The following XYLT1 variants were observed in gnomAD, a reference collection of about 807,000 sequenced individuals.
The protein encoded by XYLT1 is xylosyltransferase 1, also known as beta-D-xylosyltransferase 1.
XYLT1 carries 36 observed loss-of-function variants against 91.3 expected under a neutral mutation model. The observed-to-expected ratio is 0.39, with a 90% CI of 0.30 to 0.52. The LOEUF (loss-of-function observed/expected upper bound fraction) is 0.52, where lower values mean the gene tolerates loss of function less well. XYLT1 is among the 20% of genes least tolerant of loss of function. The pLI is 0.68. For missense variants in XYLT1, 1,242 were observed against 1,284.5 expected (o/e 0.97, Z 0.51); for synonymous variants, 588 against 532.0 (o/e 1.11, Z -1.45).
intron 10 of XYLT1, among the ~76,000 whole-genome samples, chr16:17,119,087 C>T (rs2029956460): frequency 6.6e-6 from 1 of 152,084 alleles, no homozygotes; most frequent in African/African-American, 2.4e-5. Flanking sequence ...TGTATTTATT[C>T]TTTATCTCCT....
At chr16:17,313,419 C>T (rs2034580299) in intron 2 of XYLT1, among the ~76,000 whole-genome samples, 1 of 152,208 alleles carries the variant, frequency 6.6e-6, no homozygotes, top group Non-Finnish European at 1.5e-5. Flanking sequence ...CAGCGACCTA[C>T]CAGACAAGGC....
Position 17,465,568 on chromosome 16 carries a change from G to C in XYLT1, c.363+4866C>G, listed in dbSNP as rs549827773. Reference sequence around the variant, plus strand: ...TTGTGTTTTTTTTTGGGGGGGGGGGGGGTGAGCATTTAATAACCTAACGTA... The same window carrying C: ...TTGTGTTTTTTTTTGGGGGGGGGGGCGGTGAGCATTTAATAACCTAACGTA... On this transcript the variant is annotated intron_variant, in intron 1 of 11. Transcript: ENST00000261381. 9.0e-4 allele frequency among the ~76,000 whole-genome samples: 128 copies of C among 142,400 alleles called. 3 individuals are homozygous for C. In the South Asian group the frequency reaches 0.028, roughly 31 times the overall value. 93.4% of individuals were successfully genotyped at this position (142,400 alleles called of 152,430 possible). A position where few individuals can be genotyped will look rare whatever the true frequency, so the allele number is the denominator to read the frequency against.
At chr16:17,416,618 C>T (rs1453893208) in intron 1 of XYLT1, among the ~76,000 whole-genome samples, 1 of 151,794 alleles carries the variant, frequency 6.6e-6, no homozygotes, top group African/African-American at 2.4e-5. Context: ...CCTGGAGGAG[C>T]TGCGGCTCCT....
At chr16:17,316,164 C>A (rs529354396) in intron 2 of XYLT1, among the ~76,000 whole-genome samples, 1 of 152,294 alleles carries the variant, frequency 6.6e-6, no homozygotes, top group East Asian at 1.9e-4. Context: ...TGGAACCAAA[C>A]AGTGGAATCC....
intron 8 of XYLT1, among the ~76,000 whole-genome samples, chr16:17,137,237 C>T (rs1468713213): frequency 2.0e-5 from 3 of 152,162 alleles, no homozygotes; most frequent in Non-Finnish European, 4.4e-5. Flanking sequence ...AACACCCCTC[C>T]ATGCCTTCGT....
intron 2 of XYLT1, chr16:17,338,698 T>C (rs1003001724): frequency 7.0e-5 from 25 of 357,934 alleles, no homozygotes; most frequent in Admixed American, 1.9e-4. Flanking sequence ...AATGCTCCCG[T>C]CTCAGCTTCC....
At chr16:17,285,069 A>AGGGGCAGAAACAAAGGTGGATGCAGCCC (rs1301539843) in intron 2 of XYLT1, among the ~76,000 whole-genome samples, 2 of 152,212 alleles carry the variant, frequency 1.3e-5, no homozygotes. Context: ...GAGAGGAAGC[A>AGGGGCAGAAACAAAGGTGGATGCAGCCC]GGGGCAGAAA....
chr16:17,332,545 G>C (rs1309545299), intron 2 of XYLT1, among the ~76,000 whole-genome samples: 2 of 149,272 alleles, frequency 1.3e-5, no homozygotes, highest in African/African-American at 2.5e-5. Context: ...CTGGGTGACA[G>C]AGCCAGAGTC....
rs758011039 is a variant in XYLT1, at chr16:17,451,609, T to C, written c.363+18825A>G. 1.0e-3 allele frequency among the ~76,000 whole-genome samples: 159 copies of C among 152,194 alleles called. 4 individuals carry two copies. Among genetic ancestry groups the C allele is most frequent in the Non-Finnish European group, 3.7e-4 (25 of 68,034 alleles). ...GGTACATCTGTAAAGCATGCACTCA[T>C]AGAAAACTTCTACTATGTGACACAC... On this transcript the variant is annotated intron_variant, in intron 1 of 11. Coordinates refer to ENST00000261381, the MANE Select transcript of XYLT1 (RefSeq NM_022166.4).
chr16:17,306,324 AT>A (rs2034470228), intron 2 of XYLT1, among the ~76,000 whole-genome samples: 1 of 152,026 alleles, frequency 6.6e-6, no homozygotes, highest in African/African-American at 2.4e-5. Flanking sequence ...GCTACACACC[AT>A]TTTCACCCTA....
rs375622411 is a variant in XYLT1 at position 17,241,878 on chromosome 16, C to T, written c.913+17110G>A. 5.9e-5 allele frequency among the ~76,000 whole-genome samples: 9 copies of T among 152,176 alleles called. No individual in the cohort carries two copies. In the South Asian group the frequency reaches 8.3e-4, roughly 14 times the overall value. ...TTCACACTGTTGATAGAGTCATACC[C>T]GAGACTGGGTAATTTACAAAGAAAA... On this transcript the variant is annotated intron_variant, in intron 3 of 11. Coordinates refer to ENST00000261381, the MANE Select transcript of XYLT1 (RefSeq NM_022166.4).
chr16:17,215,835 A>G (rs1350342404), intron 3 of XYLT1, among the ~76,000 whole-genome samples: 2 of 152,142 alleles, frequency 1.3e-5, no homozygotes, highest in Non-Finnish European at 1.5e-5. Flanking sequence ...GGAAGTGCAG[A>G]AGATGAGGAT....
At chr16:17,251,992 G>A (rs1017291060) in intron 3 of XYLT1, among the ~76,000 whole-genome samples, 13 of 152,150 alleles carry the variant, frequency 8.5e-5, no homozygotes, top group African/African-American at 2.7e-4. Flanking sequence ...AGCAGACCCA[G>A]CAAGACGTGG....
chr16:17,467,609 G>A (rs1001733566), intron 1 of XYLT1, among the ~76,000 whole-genome samples: 2 of 152,272 alleles, frequency 1.3e-5, no homozygotes, highest in East Asian at 3.9e-4. Flanking sequence ...CTTGAGAAAC[G>A]GGGTGTTTCC....
chr16:17,358,131 T>A, intron 1 of XYLT1, 81 bp from the exon 2 acceptor site: 1 of 198,396 alleles, frequency 5.0e-6, no homozygotes, highest in East Asian at 1.6e-4. Context: ...CTTTCTTTCC[T>A]TTTTTTTTTT....
chr16:17,370,382 C>T (rs2035516659), intron 1 of XYLT1, among the ~76,000 whole-genome samples: 1 of 152,198 alleles, frequency 6.6e-6, no homozygotes, highest in South Asian at 2.1e-4. Context: ...TTGGGGGACC[C>T]TCGCTCACAT....
chr16:17,441,190 T>G (rs1364174326), intron 1 of XYLT1, among the ~76,000 whole-genome samples: 3 of 151,966 alleles, frequency 2.0e-5, no homozygotes, highest in Non-Finnish European at 4.4e-5. Flanking sequence ...TTCTCCTGCC[T>G]CAGCCTCTCG....
At chr16:17,440,651 C>T (rs2036521867) in intron 1 of XYLT1, among the ~76,000 whole-genome samples, 1 of 152,188 alleles carries the variant, frequency 6.6e-6, no homozygotes, top group African/African-American at 2.4e-5. Flanking sequence ...CTAAGTTCCA[C>T]TTCACATGTC....
At chr16:17,397,985 G>A (rs1449344533) in intron 1 of XYLT1, among the ~76,000 whole-genome samples, 1 of 151,988 alleles carries the variant, frequency 6.6e-6, no homozygotes, top group Admixed American at 6.6e-5. Flanking sequence ...ACCATTCCCG[G>A]CTAATTTTTG....
Sources: allele counts gnomAD v4.1 joint callset (sites outside exome capture counted in the v4.1 genomes callset), GRCh38; gene constraint gnomAD v4.1.1; transcripts MANE v1.5; gene names NCBI Gene and HGNC (gene_info 2026-07-23, HGNC 2026-07-21).